FADS1: variants seen among roughly 807,000 people sequenced by gnomAD.
FADS1 encodes acyl-CoA (8-3)-desaturase.
A neutral mutation model predicts 61.6 loss-of-function variants in FADS1; 17 were observed. The observed-to-expected ratio is 0.28, with a 90% CI of 0.19 to 0.41. The LOEUF (loss-of-function observed/expected upper bound fraction) is 0.41. Among genes scored for constraint, FADS1 ranks in the 10% least tolerant of loss-of-function variants. The pLI, the probability that FADS1 is intolerant of heterozygous loss-of-function variation, is 1.00. For missense variants in FADS1, 387 were observed against 650.9 expected, an observed-to-expected ratio of 0.59 and a Z score of 4.41; for synonymous variants, 238 against 258.7, an observed-to-expected ratio of 0.92 and a Z score of 0.77.
At position 61,803,468 on chromosome 11, in the gene FADS1, T is replaced by G; in HGVS notation, c.1152-9A>C. 1 of 1,608,234 alleles carries G rather than the reference T, an allele frequency of 6.2e-7. No individual in the cohort carries two copies. Among genetic ancestry groups the G allele is most frequent in the Non-Finnish European group, 8.5e-7 (1 of 1,174,598 alleles). ...AGTTGCTTTCCAGGAACCTGTTAGA[T>G]GTATTACACAGACAAAAACAGTACA... On this transcript the variant is annotated splice_polypyrimidine_tract_variant and intron_variant, in intron 8 of 11. Transcript: ENST00000350997. This position sits in a 1 kb window ranked among gnomAD's most constrained non-coding sequence, Gnocchi z 4.3.
chr11:61,816,778 C>T lies in FADS1; in HGVS notation c.152G>A (p.Arg51His), dbSNP rs1019708501. Residue 51 changes from arginine (R) to histidine (H), a missense_variant, in exon 1 of 12, where the codon CGC (arginine) becomes CAC (histidine). Arg to His is a conservative substitution (Grantham distance 29). Around this residue, in one of 2 missense-constraint regions of FADS1, gnomAD observed 130 missense variants for 117.7 expected, o/e 1.10. Coordinates refer to ENST00000350997, the MANE Select transcript of FADS1 (RefSeq NM_013402.7). The surrounding 1 kb of genome is among the most constrained non-coding windows in gnomAD (Gnocchi z 7.0). ...GGCCATAGCTGGCCTGGCGACGCCGCGCGCCGGGCCAGCAGGGGCTGTCAG... is the reference window on the plus strand; with the variant it reads ...GGCCATAGCTGGCCTGGCGACGCCGTGCGCCGGGCCAGCAGGGGCTGTCAG... ...TRLTAPAGPA[R>H]GVARPAMAPD... The T allele has an allele frequency of 2.0e-6, 3 of 1,519,904 alleles. No homozygotes were observed. The highest frequency in any genetic ancestry group is 2.6e-6 in the Non-Finnish European group (3 of 1,139,508). 94.2% of individuals were successfully genotyped at this position (1,519,904 alleles called of 1,614,324 possible).
intron 3 of FADS1, chr11:61,811,693 A>G: frequency 3.6e-6 from 1 of 281,216 alleles, no homozygotes; most frequent in Admixed American, 4.6e-5. Context: ...AGGTTCAAGC[A>G]ATTCTCCTGC....
chr11:61,813,662 T>C (rs2066948246), intron 1 of FADS1: 1 of 288,648 alleles, frequency 3.5e-6, no homozygotes, highest in South Asian at 7.4e-5. Context: ...CAGGGACAAA[T>C]AAGGGAATAA....
intron 5 of FADS1, among the ~76,000 whole-genome samples, chr11:61,807,270 G>C (rs1369305413): frequency 6.6e-6 from 1 of 152,162 alleles, no homozygotes; most frequent in Non-Finnish European, 1.5e-5. Context: ...GTTTCTCCAT[G>C]TTGTTCAGGC....
At chr11:61,813,193 TG>T (rs757752718) in intron 2 of FADS1, 49 bp downstream of exon 2, 1 of 1,098,958 alleles carries the variant, frequency 9.1e-7, no homozygotes, top group Non-Finnish European at 1.4e-6. Flanking sequence ...ACCCCCTCTC[TG>T]TCCCCCTCAA....
chr11:61,810,671 C>G, intron 5 of FADS1, 80 bp downstream of exon 5: 1 of 1,549,158 alleles, frequency 6.5e-7, no homozygotes, highest in Non-Finnish European at 8.8e-7. Flanking sequence ...ACACTGACAA[C>G]ATCGTGGGCA....
At chr11:61,806,433 G>A in intron 6 of FADS1, 1 of 553,268 alleles carries the variant, frequency 1.8e-6, no homozygotes, top group Non-Finnish European at 3.2e-6. Context: ...GTGGAAACTG[G>A]GGTTGGATGG....
At chr11:61,804,050 C>T (rs2066876742) in intron 7 of FADS1, 3 of 487,992 alleles carry the variant, frequency 6.1e-6, no homozygotes, top group Non-Finnish European at 1.1e-5. Flanking sequence ...TTCAGCATGC[C>T]GCCAAATGAA....
chr11:61,803,091 G>A lies in FADS1; in HGVS notation c.1269C>T (p.Val423=). 1 of 1,614,156 alleles carries A rather than the reference G, an allele frequency of 6.2e-7. No homozygotes were observed. The highest frequency in any genetic ancestry group is 8.5e-7 in the Non-Finnish European group (1 of 1,180,036). The stretch of plus-strand genomic sequence containing the variant: ...ACCAGTCATTGAAGGCAGACTTGTG[G>A]ACATTGCATGTGGCCTGGAGCTGGC... ...VSTQLQATCN[V]HKSAFNDWFS... The change falls in exon 10 of 12, where the codon GTC becomes GTT. Residue 423 remains valine (V), a synonymous_variant. Coordinates refer to ENST00000350997, the MANE Select transcript of FADS1 (RefSeq NM_013402.7). This position sits in a 1 kb window ranked among gnomAD's most constrained non-coding sequence, Gnocchi z 4.3.
In FADS1 at chr11:61,815,279, C is replaced by A; in HGVS notation, c.375+1276G>T. On this transcript the variant is annotated intron_variant, in intron 1 of 11. Transcript: ENST00000350997. This position sits in a 1 kb window ranked among gnomAD's most constrained non-coding sequence, Gnocchi z 6.4. ...CTGCGGGAAGCTCCAGCGTTGGTGC[C>A]TGTTTCGTCTGCGCATGCGCCGGGA... 6.0e-6 allele frequency: 1 copy of A among 165,660 alleles called. No individual in the cohort carries two copies. 10.3% of individuals were successfully genotyped at this position (165,660 alleles called of 1,614,324 possible). A position where few individuals can be genotyped will look rare whatever the true frequency, so the allele number is the denominator to read the frequency against.
At position 61,806,871 on chromosome 11, in the gene FADS1, C is replaced by T. The variant is rs1372446904; in HGVS notation, c.916-147G>A. 5 of 733,700 alleles carry T rather than the reference C, an allele frequency of 6.8e-6. No individual in the cohort carries two copies. In the East Asian group the frequency reaches 1.0e-4, roughly 15 times the overall value. The allele number at this position is 733,700 out of a possible 1,614,324, so 45.4% of individuals were successfully genotyped here. A position where few individuals can be genotyped will look rare whatever the true frequency, so the allele number is the denominator to read the frequency against. The stretch of plus-strand genomic sequence containing the variant: ...GAAAGCTCCAAGAGGCCCAGCCTTA[C>T]CTCCAGCACATGGAACATGAAGCCC... On this transcript the variant is annotated intron_variant, in intron 5 of 11. Coordinates refer to ENST00000350997, the MANE Select transcript of FADS1 (RefSeq NM_013402.7).
intron 6 of FADS1, chr11:61,806,219 A>G (rs1316789361): frequency 6.4e-6 from 1 of 157,438 alleles, no homozygotes; most frequent in African/African-American, 2.4e-5. Flanking sequence ...GGGTGCCTGT[A>G]ATCCCAGCTA....
Position 61,816,465 on chromosome 11 carries a change from C to A in FADS1, c.375+90G>T, listed in dbSNP as rs760958085. The A allele has an allele frequency of 1.9e-6, 3 of 1,600,740 alleles. No individual in the cohort carries two copies. In the South Asian group the frequency reaches 3.3e-5, roughly 18 times the overall value. On this transcript the variant is annotated intron_variant, in intron 1 of 11. Transcript: ENST00000350997. This position sits in a 1 kb window ranked among gnomAD's most constrained non-coding sequence, Gnocchi z 7.0. ...CCTCCGGGCTTTCCTCCGAATTAGT[C>A]GGTGTTTGGCTCGGAGTGCGTAACT...
At chr11:61,813,730 C>T (rs1027997640) in intron 1 of FADS1, among the ~76,000 whole-genome samples, 2 of 152,132 alleles carry the variant, frequency 1.3e-5, no homozygotes, top group African/African-American at 4.8e-5. Flanking sequence ...CTTTGGGAGG[C>T]CAAGGCGGGT....
chr11:61,802,719 C>T lies in FADS1; in HGVS notation c.1454+82G>A, dbSNP rs146848923. On this transcript the variant is annotated intron_variant, in intron 11 of 11. Transcript: ENST00000350997. The surrounding 1 kb of genome is among the most constrained non-coding windows in gnomAD (Gnocchi z 4.2). ...CACGACTGGGAACACCTTCTGTTCACTCCCCACCCTACATGTCATCATTTC... is the reference window on the plus strand; with the variant it reads ...CACGACTGGGAACACCTTCTGTTCATTCCCCACCCTACATGTCATCATTTC... 380 of 1,583,968 alleles carry T rather than the reference C, an allele frequency of 2.4e-4. No individual in the cohort carries two copies. Among genetic ancestry groups the T allele is most frequent in the Admixed American group, 9.5e-4 (57 of 59,792 alleles).
chr11:61,804,500 T>A, intron 7 of FADS1, 185 bp downstream of exon 7: 1 of 568,966 alleles, frequency 1.8e-6, no homozygotes, highest in Non-Finnish European at 3.1e-6. Flanking sequence ...ACATTGGGAA[T>A]CAGGCTGCCT....
intron 5 of FADS1, among the ~76,000 whole-genome samples, chr11:61,810,542 C>T (rs975365352): frequency 6.6e-6 from 1 of 152,180 alleles, no homozygotes; most frequent in African/African-American, 2.4e-5. Context: ...GGTTTGCTGA[C>T]TGAACTCTCT....
At position 61,816,087 on chromosome 11, in the gene FADS1, G is replaced by A; in HGVS notation, c.375+468C>T. 1.6e-6 allele frequency: 1 copy of A among 610,688 alleles called. No homozygotes were observed. 37.8% of individuals were successfully genotyped at this position (610,688 alleles called of 1,614,324 possible). A position where few individuals can be genotyped will look rare whatever the true frequency, so the allele number is the denominator to read the frequency against. ...TCCTGCTCCCTCTCCGCTCCTGCTG[G>A]CGAGTGGAGACCGGCACCTAGGTCC... is the stretch of plus-strand genomic sequence containing the variant. On this transcript the variant is annotated intron_variant, in intron 1 of 11. Transcript: ENST00000350997. The surrounding 1 kb of genome is among the most constrained non-coding windows in gnomAD (Gnocchi z 7.0).
At position 61,813,338 on chromosome 11, in the gene FADS1, A is replaced by G; in HGVS notation, c.391T>C (p.Phe131Leu). 3 of 1,606,036 alleles carry G rather than the reference A, an allele frequency of 1.9e-6. No homozygotes were observed. The highest frequency in any genetic ancestry group is 1.3e-5 in the African/African-American group (1 of 74,768). Residue 131 changes from phenylalanine to leucine, a missense_variant, in exon 2 of 12, where the codon TTC (phenylalanine) becomes CTC (leucine). By Grantham distance (22) the Phe-to-Leu change is conservative. This residue lies in a region of FADS1 where 257 missense variants were observed against 533.3 expected (regional missense o/e 0.48). Coordinates refer to ENST00000350997, the MANE Select transcript of FADS1 (RefSeq NM_013402.7). ...GQDATDPFVA[F>L]HINKGLVKKY... ...TTCACAAGGCCCTTGTTGATGTGGA[A>G]GGCCACAAAGGGATCCTGCAAGTGC...
Sources: gnomAD v4.1 joint callset for allele counts (sites outside exome capture counted in the v4.1 genomes callset) on GRCh38, gnomAD v4.1.1 for gene constraint, gnomAD v4.1.1 regional missense constraint, Gnocchi (gnomAD v3.1) non-coding constraint, MANE v1.5 for transcripts, NCBI Gene and HGNC (gene_info 2026-07-23, HGNC 2026-07-21) for gene names.